CNTNAP5: variants seen among roughly 807,000 people sequenced by gnomAD.
CNTNAP5 encodes the protein contactin-associated protein-like 5.
A neutral mutation model predicts 150.2 loss-of-function variants in CNTNAP5; 72 were observed. That is an observed-to-expected ratio of 0.48 (90% CI 0.40 to 0.58). The LOEUF (loss-of-function observed/expected upper bound fraction) is 0.58. CNTNAP5 is among the 20% of genes least tolerant of loss of function. The pLI is 0.00. For synonymous variants in CNTNAP5, 672 were observed against 619.8 expected (o/e 1.08, Z -1.25); for missense variants, 1,636 against 1,626.2 (o/e 1.01, Z -0.10).
chr2:124,252,001 G>A (rs183813895), intron 3 of CNTNAP5, among the ~76,000 whole-genome samples: 36 of 152,298 alleles, frequency 2.4e-4, no homozygotes, highest in Admixed American at 1.1e-3. Context: ...CATTCTGCAT[G>A]TAGATGAGAG....
intron 21 of CNTNAP5, among the ~76,000 whole-genome samples, chr2:124,889,345 C>T (rs368565125): frequency 6.6e-6 from 1 of 151,882 alleles, no homozygotes; most frequent in Non-Finnish European, 1.5e-5. Flanking sequence ...CCCGCCTTGG[C>T]CTCCCAAAGT....
intron 1 of CNTNAP5, among the ~76,000 whole-genome samples, 185 bp from the exon 2 acceptor site, chr2:124,221,520 G>T (rs1686314927): frequency 6.6e-6 from 1 of 152,030 alleles, no homozygotes; most frequent in Non-Finnish European, 1.5e-5. Flanking sequence ...AAAGAAAGCT[G>T]GACCTGTCCT....
chr2:124,345,991 A>T (rs1292996905), intron 3 of CNTNAP5, among the ~76,000 whole-genome samples: 1 of 152,232 alleles, frequency 6.6e-6, no homozygotes, highest in Non-Finnish European at 1.5e-5. Flanking sequence ...CTGTTTTTTA[A>T]TCAACAGTTG....
intron 14 of CNTNAP5, among the ~76,000 whole-genome samples, chr2:124,751,108 G>A (rs2105149773): frequency 6.6e-6 from 1 of 152,180 alleles, no homozygotes; most frequent in African/African-American, 2.4e-5. Flanking sequence ...TGAACCTGGG[G>A]TAGAAATGAG....
intron 1 of CNTNAP5, among the ~76,000 whole-genome samples, chr2:124,190,995 A>T (rs975308406): frequency 6.6e-6 from 1 of 152,190 alleles, no homozygotes; most frequent in African/African-American, 2.4e-5. Flanking sequence ...CTTCTCATCT[A>T]CTGAATGATA....
intron 21 of CNTNAP5, among the ~76,000 whole-genome samples, chr2:124,870,214 C>A (rs1677716395): frequency 6.8e-6 from 1 of 147,576 alleles, no homozygotes; most frequent in Non-Finnish European, 1.5e-5. Context: ...TGACAGTATT[C>A]ATTACATGCA....
At chr2:124,846,103 C>A (rs1220745667) in intron 19 of CNTNAP5, among the ~76,000 whole-genome samples, 1 of 151,812 alleles carries the variant, frequency 6.6e-6, no homozygotes, top group Non-Finnish European at 1.5e-5. Context: ...CCTTAGATTG[C>A]CTATTTTTGC....
At chr2:124,526,072 G>A (rs1378568818) in intron 9 of CNTNAP5, among the ~76,000 whole-genome samples, 1 of 152,178 alleles carries the variant, frequency 6.6e-6, no homozygotes, top group African/African-American at 2.4e-5. Flanking sequence ...ATTTATTCTT[G>A]AGGGAAATGT....
chr2:124,852,645 G>A (rs778349357), intron 19 of CNTNAP5, among the ~76,000 whole-genome samples: 3 of 152,208 alleles, frequency 2.0e-5, no homozygotes, highest in Non-Finnish European at 4.4e-5. Context: ...TGACTGCTGT[G>A]TAGGGAATGG....
chr2:124,591,397 T>C (rs1437280176), intron 11 of CNTNAP5, among the ~76,000 whole-genome samples: 2 of 152,094 alleles, frequency 1.3e-5, no homozygotes, highest in African/African-American at 4.8e-5. Flanking sequence ...AACAAAGATA[T>C]TGCCATACAA....
At chr2:124,111,530 TCTCTC>T (rs1295940701) in intron 1 of CNTNAP5, among the ~76,000 whole-genome samples, 1 of 152,128 alleles carries the variant, frequency 6.6e-6, no homozygotes, top group Non-Finnish European at 1.5e-5. Flanking sequence ...AAATTATTGA[TCTCTC>T]CTCAAAATCC....
At chr2:124,873,009 T>A (rs10185390) in intron 21 of CNTNAP5, among the ~76,000 whole-genome samples, 10,330 of 152,114 alleles carry the variant, frequency 0.068, 1,125 homozygotes, top group African/African-American at 0.23. Flanking sequence ...ATTAGTCCAT[T>A]TTGGCATTGC....
intron 3 of CNTNAP5, among the ~76,000 whole-genome samples, chr2:124,257,309 G>A (rs553595230): frequency 6.6e-5 from 10 of 152,298 alleles, no homozygotes; most frequent in Non-Finnish European, 1.2e-4. Context: ...TTAACTCTGA[G>A]CTCCTCTGCT....
chr2:124,034,962 A>T (rs1040083057), intron 1 of CNTNAP5, among the ~76,000 whole-genome samples: 1 of 151,636 alleles, frequency 6.6e-6, no homozygotes, highest in Admixed American at 6.6e-5. Context: ...CATCATGATG[A>T]GTTATTAAGA....
At chr2:124,319,189 C>T (rs1689041513) in intron 3 of CNTNAP5, among the ~76,000 whole-genome samples, 1 of 152,176 alleles carries the variant, frequency 6.6e-6, no homozygotes, top group Non-Finnish European at 1.5e-5. Flanking sequence ...TTATTTCATT[C>T]CTTCATTTCT....
intron 13 of CNTNAP5, among the ~76,000 whole-genome samples, chr2:124,686,136 T>C (rs1573547261): frequency 6.6e-6 from 1 of 151,964 alleles, no homozygotes; most frequent in East Asian, 1.9e-4. Context: ...GTGTCTGGGG[T>C]GAGTGGGAGA....
intron 12 of CNTNAP5, among the ~76,000 whole-genome samples, chr2:124,626,156 A>G (rs1477338723): frequency 2.0e-5 from 3 of 152,150 alleles, no homozygotes; most frequent in African/African-American, 7.2e-5. Flanking sequence ...GAATTTAGAG[A>G]CAGGAATAGT....
chr2:124,133,431 A>G (rs775591606), intron 1 of CNTNAP5, among the ~76,000 whole-genome samples: 38 of 152,162 alleles, frequency 2.5e-4, no homozygotes, highest in Non-Finnish European at 3.2e-4. Flanking sequence ...AAGGAGTTCT[A>G]TGGTGATCAT....
Position 124,865,387 on chromosome 2 carries a change from G to A in CNTNAP5, c.3299G>A (p.Arg1100Lys), listed in dbSNP as rs1284908912. 2 of 1,554,156 alleles carry A rather than the reference G, an allele frequency of 1.3e-6. No homozygotes were observed. Among genetic ancestry groups the A allele is most frequent in the Non-Finnish European group, 1.7e-6 (2 of 1,147,956 alleles). Residue 1100 changes from arginine (R) to lysine (K), a missense_variant, in exon 20 of 24, where the codon AGG (arginine) becomes AAG (lysine). Arg to Lys is a conservative substitution (Grantham distance 26). Coordinates refer to ENST00000682447, the MANE Select transcript of CNTNAP5 (RefSeq NM_001367498.1). Reference protein sequence around the residue: ...TIDADNFANRRMHHLKINREG... With the variant: ...TIDADNFANRKMHHLKINREG... ...GATGCAGATAACTTTGCTAACAGAA[G>A]GATGCACCACTTGAAGATTAACCGA...
Sources: gnomAD v4.1 joint callset for allele counts (sites outside exome capture counted in the v4.1 genomes callset) on GRCh38, gnomAD v4.1.1 for gene constraint, MANE v1.5 for transcripts, NCBI Gene and HGNC (gene_info 2026-07-23, HGNC 2026-07-21) for gene names.